The following IL19 variants were observed in gnomAD, a reference collection of about 807,000 sequenced individuals.
The protein encoded by IL19 is interleukin 19.
Under a neutral mutation model 19.5 loss-of-function variants are expected in IL19, and 15 were observed. The observed-to-expected ratio is 0.77, with a 90% CI of 0.52 to 1.19. The LOEUF (loss-of-function observed/expected upper bound fraction) is 1.19, where lower values mean the gene tolerates loss of function less well. Ranked by LOEUF, IL19 falls within the 50% of genes most tolerant of loss-of-function variation. The probability of loss-of-function intolerance (pLI) is 0.00; values close to 1 mark genes in which losing one functional copy is unlikely to be tolerated. For missense variants in IL19, 199 were observed against 213.1 expected (o/e 0.93, Z 0.41); for synonymous variants, 78 against 78.3 (o/e 1.00, Z 0.02).
chr1:206,820,634 T>C (rs1208890595), intron 2 of IL19, among the ~76,000 whole-genome samples: 2 of 152,198 alleles, frequency 1.3e-5, no homozygotes, highest in Non-Finnish European at 2.9e-5. Flanking sequence ...ATAATAGCAA[T>C]CATTTATTTG....
chr1:206,809,672 A>T (rs1675949660), intron 2 of IL19, among the ~76,000 whole-genome samples: 1 of 152,218 alleles, frequency 6.6e-6, no homozygotes, highest in African/African-American at 2.4e-5. Flanking sequence ...GGGTTGTGCA[A>T]TTGGCACTAG....
Position 206,814,647 on chromosome 1 carries a change from CTG to C in IL19, c.-3+15644_-3+15645del, listed in dbSNP as rs1471230082. Among the ~76,000 whole-genome samples the C allele has an allele frequency of 2.0e-5, 3 of 151,248 alleles. No homozygotes were observed. The East Asian group carries it at 5.8e-4, about 29-fold the overall frequency. On this transcript the variant is annotated intron_variant, in intron 2 of 6. Transcript: ENST00000659997. ...AGGTGGAGGTTGTAGTGAATCGAGA[CTG>C]TGCCACTGCACTCCAGCCTGGGCAA...
intron 1 of IL19, among the ~76,000 whole-genome samples, chr1:206,777,492 C>A (rs1337979297): frequency 6.6e-6 from 1 of 152,142 alleles, no homozygotes; most frequent in Non-Finnish European, 1.5e-5. Flanking sequence ...TTACCCCATG[C>A]CTTACTGCAA....
chr1:206,787,410 G>A lies in IL19; in HGVS notation c.-148-11451G>A, dbSNP rs193267154. ...ATGCATATGTGTGGGTGTATTGTGTGTATTTCATCCCTGTGGACTGGACAC... is the reference window on the plus strand; with the variant it reads ...ATGCATATGTGTGGGTGTATTGTGTATATTTCATCCCTGTGGACTGGACAC... On this transcript the variant is annotated intron_variant, in intron 1 of 6. Coordinates refer to ENST00000659997, the MANE Select transcript of IL19 (RefSeq NM_153758.5). Among the ~76,000 whole-genome samples the A allele has an allele frequency of 1.8e-4, 27 of 152,354 alleles. 1 individual carries two copies. The East Asian group carries it at 4.2e-3, about 24-fold the overall frequency.
intron 1 of IL19, chr1:206,771,486 C>A: frequency 7.9e-7 from 1 of 1,270,230 alleles, no homozygotes; most frequent in Non-Finnish European, 1.1e-6. Flanking sequence ...TTTTTGATGC[C>A]CTTTCATTTA....
At chr1:206,788,043 T>C (rs1047394392) in intron 1 of IL19, among the ~76,000 whole-genome samples, 1 of 152,178 alleles carries the variant, frequency 6.6e-6, no homozygotes, top group Non-Finnish European at 1.5e-5. Context: ...CTGTGGACCT[T>C]CCTTCCTTGT....
chr1:206,800,141 C>A (rs903913529), intron 2 of IL19, among the ~76,000 whole-genome samples: 1 of 152,160 alleles, frequency 6.6e-6, no homozygotes. Context: ...TTAATTCAAC[C>A]AATTTTTATT....
chr1:206,836,086 T>G (rs1160089630), intron 2 of IL19, among the ~76,000 whole-genome samples: 5 of 152,248 alleles, frequency 3.3e-5, no homozygotes, highest in Admixed American at 3.3e-4. Context: ...AATTAGTTCT[T>G]GAAGATGCCT....
intron 1 of IL19, among the ~76,000 whole-genome samples, chr1:206,787,360 C>T (rs1022531054): frequency 6.6e-6 from 1 of 152,148 alleles, no homozygotes; most frequent in African/African-American, 2.4e-5. Flanking sequence ...GATGTCTTTG[C>T]CTGCATGGAT....
intron 2 of IL19, among the ~76,000 whole-genome samples, chr1:206,820,327 A>G (rs749197874): frequency 3.9e-5 from 6 of 152,200 alleles, no homozygotes; most frequent in Non-Finnish European, 8.8e-5. Context: ...CCTTCAAGAT[A>G]CCAGCATACC....
intron 2 of IL19, among the ~76,000 whole-genome samples, chr1:206,802,498 G>A (rs974652580): frequency 3.9e-5 from 6 of 152,034 alleles, no homozygotes; most frequent in Non-Finnish European, 8.8e-5. Flanking sequence ...ATGTCAGAGA[G>A]TTCAATAATT....
intron 1 of IL19, among the ~76,000 whole-genome samples, chr1:206,793,430 C>T (rs913732074): frequency 6.6e-6 from 1 of 152,196 alleles, no homozygotes; most frequent in Non-Finnish European, 1.5e-5. Context: ...CCCCTGGTTC[C>T]CTTGAGGGAT....
chr1:206,776,368 C>T (rs1674991098), intron 1 of IL19, among the ~76,000 whole-genome samples: 1 of 152,038 alleles, frequency 6.6e-6, no homozygotes, highest in African/African-American at 2.4e-5. Flanking sequence ...TAGGAAGCTC[C>T]GCCCAGTAAG....
intron 1 of IL19, among the ~76,000 whole-genome samples, chr1:206,782,006 CATATATATGTATATAGTTA>C: frequency 1.3e-5 from 1 of 74,224 alleles, no homozygotes; most frequent in South Asian, 3.8e-4. Context: ...GTTATATATA[CATATATATGTATATAGTTA>C]TATATACATA....
intron 2 of IL19, among the ~76,000 whole-genome samples, chr1:206,830,475 T>C (rs924578515): frequency 1.3e-5 from 2 of 152,164 alleles, no homozygotes; most frequent in Non-Finnish European, 2.9e-5. Flanking sequence ...CACATATCAT[T>C]ATGATCTAGA....
chr1:206,803,479 A>AC (rs1436477407), intron 2 of IL19, among the ~76,000 whole-genome samples: 3 of 152,132 alleles, frequency 2.0e-5, no homozygotes, highest in Non-Finnish European at 4.4e-5. Context: ...CTCAAAAACA[A>AC]GTCATTTTTG....
intron 6 of IL19, 68 bp downstream of exon 6, chr1:206,841,146 A>G: frequency 8.2e-7 from 1 of 1,221,142 alleles, no homozygotes; most frequent in Admixed American, 1.7e-5. Flanking sequence ...CCAGGCCTTC[A>G]GCCTCCTCTC....
chr1:206,836,141 C>T (rs1342952700), intron 2 of IL19, among the ~76,000 whole-genome samples: 1 of 152,228 alleles, frequency 6.6e-6, no homozygotes, highest in African/African-American at 2.4e-5. Flanking sequence ...ATCTCCACAG[C>T]TGGCTTCAAA....
intron 2 of IL19, among the ~76,000 whole-genome samples, chr1:206,832,158 C>T (rs931553535): frequency 6.6e-6 from 1 of 152,232 alleles, no homozygotes; most frequent in African/African-American, 2.4e-5. Context: ...GCTCTTTGCA[C>T]CCTCTCCAAA....
Sources: allele counts gnomAD v4.1 joint callset (sites outside exome capture counted in the v4.1 genomes callset), GRCh38; gene constraint gnomAD v4.1.1; transcripts MANE v1.5; gene names NCBI Gene and HGNC (gene_info 2026-07-23, HGNC 2026-07-21).